PCSK5: variants seen among roughly 807,000 people sequenced by gnomAD.
The protein encoded by PCSK5 is prohormone convertase 5.
PCSK5 carries 129 observed loss-of-function variants against 233.2 expected under a neutral mutation model. The ratio of observed to expected loss-of-function variants is 0.55; its 90% CI spans 0.48 to 0.64. The LOEUF is 0.64. PCSK5 is among the 30% of genes least tolerant of loss of function. The probability of loss-of-function intolerance (pLI) is 0.00; values close to 1 mark genes in which losing one functional copy is unlikely to be tolerated. For missense variants in PCSK5, 2,076 were observed against 2,430.1 expected, an observed-to-expected ratio of 0.85 and a Z score of 3.06; for synonymous variants, 825 against 879.2, an observed-to-expected ratio of 0.94 and a Z score of 1.09.
intron 3 of PCSK5, among the ~76,000 whole-genome samples, chr9:76,005,356 C>T (rs929164022): frequency 6.6e-6 from 1 of 152,098 alleles, no homozygotes; most frequent in African/African-American, 2.4e-5. Context: ...AGCTCTCGCT[C>T]ATCTTTATAT....
chr9:76,267,902 G>T (rs1195910331), intron 24 of PCSK5, among the ~76,000 whole-genome samples: 1 of 151,790 alleles, frequency 6.6e-6, no homozygotes, highest in Non-Finnish European at 1.5e-5. Flanking sequence ...TTTTTATTCA[G>T]TAATGCACTG....
chr9:76,254,864 T>C (rs1587808655), intron 24 of PCSK5, among the ~76,000 whole-genome samples: 1 of 152,260 alleles, frequency 6.6e-6, no homozygotes, highest in Non-Finnish European at 1.5e-5. Flanking sequence ...GCAAATGCGA[T>C]AGGCCAGAAG....
rs115316746 is a variant in PCSK5, at chr9:76,346,168, G to C, written c.4967-4660G>C. On this transcript the variant is annotated intron_variant, in intron 35 of 37. Coordinates refer to ENST00000674117, the MANE Select transcript of PCSK5 (RefSeq NM_001372043.1). Reference sequence around the variant, plus strand: ...GATTATTTTTCCCACGTTTATTTTTGCCAACTTTGTCAAAAATCAGATGGT... The same window carrying C: ...GATTATTTTTCCCACGTTTATTTTTCCCAACTTTGTCAAAAATCAGATGGT... Among the ~76,000 whole-genome samples the C allele has an allele frequency of 4.7e-3, 710 of 151,954 alleles. 7 individuals carry two copies. The highest frequency in any genetic ancestry group is 0.016 in the African/African-American group (669 of 41,460).
At chr9:75,890,055 C>A (rs1165141447), upstream of PCSK5, among the ~76,000 whole-genome samples, 1 of 152,186 alleles carries the variant, frequency 6.6e-6, no homozygotes, top group African/African-American at 2.4e-5. Flanking sequence ...TTCCTCACTT[C>A]CAAGGCCGGA....
At chr9:75,898,002 C>T (rs1215844245) in intron 1 of PCSK5, among the ~76,000 whole-genome samples, 1 of 152,206 alleles carries the variant, frequency 6.6e-6, no homozygotes, top group African/African-American at 2.4e-5. Context: ...TTAGTTTAAA[C>T]AGATTCACAT....
intron 2 of PCSK5, among the ~76,000 whole-genome samples, chr9:75,978,988 T>C (rs1437972560): frequency 6.7e-5 from 10 of 149,698 alleles, no homozygotes; most frequent in Admixed American, 4.7e-4. Context: ...TTCCTCTACC[T>C]CAGCCTCCCA....
At chr9:76,165,055 T>C (rs1246162652) in intron 12 of PCSK5, among the ~76,000 whole-genome samples, 1 of 152,022 alleles carries the variant, frequency 6.6e-6, no homozygotes, top group Non-Finnish European at 1.5e-5. Flanking sequence ...AAAAAGCAAA[T>C]AGTATGTTTT....
At chr9:76,133,639 G>A (rs1342055930) in intron 9 of PCSK5, among the ~76,000 whole-genome samples, 2 of 151,992 alleles carry the variant, frequency 1.3e-5, no homozygotes, top group East Asian at 1.9e-4. Context: ...TATATGCATA[G>A]AAGGTTAAAC....
Position 76,328,023 on chromosome 9 carries a change from T to G in PCSK5, c.4354T>G (p.Cys1452Gly). 1 of 1,611,922 alleles carries G rather than the reference T, an allele frequency of 6.2e-7. No individual in the cohort carries two copies. Among genetic ancestry groups the G allele is most frequent in the Non-Finnish European group, 8.5e-7 (1 of 1,179,046 alleles). Residue 1452 changes from cysteine (C) to glycine (G), a missense_variant, in exon 33 of 38, where the codon TGC becomes GGC. This residue lies in a region of PCSK5 where 1,510 missense variants were observed against 1,538.1 expected (regional missense o/e 0.98). Coordinates refer to ENST00000674117, the MANE Select transcript of PCSK5 (RefSeq NM_001372043.1). ...CACGCCCACAGATTGCCACAAGTCC[T>G]GCTTGACCTGCTCATCATCTGGGAC... Reference protein sequence around the residue: ...TKECRDCHKSCLTCSSSGTCT... With the variant: ...TKECRDCHKSGLTCSSSGTCT...
Position 76,233,564 on chromosome 9 carries a change from G to A in PCSK5, c.2834G>A (p.Ser945Asn). 1 of 1,611,764 alleles carries A rather than the reference G, an allele frequency of 6.2e-7. No homozygotes were observed. Among genetic ancestry groups the A allele is most frequent in the Non-Finnish European group, 8.5e-7 (1 of 1,179,788 alleles). The change falls in exon 22 of 38, where the codon AGT (serine) becomes AAT (asparagine). Residue 945 changes from serine to asparagine, a missense_variant. By Grantham distance (46) the Ser-to-Asn change is conservative (BLOSUM62 1). Transcript: ENST00000674117. ...CHHTCQRCQGSGPTHCTSCGA... is the reference protein window; with the variant it reads ...CHHTCQRCQGNGPTHCTSCGA... Reference sequence around the variant, plus strand: ...CACACCTGCCAGAGATGCCAAGGAAGTGGCCCTACCCACTGCACCTCCTGT... The same window carrying A: ...CACACCTGCCAGAGATGCCAAGGAAATGGCCCTACCCACTGCACCTCCTGT...
intron 33 of PCSK5, among the ~76,000 whole-genome samples, chr9:76,328,480 G>A (rs963237298): frequency 6.6e-6 from 1 of 152,054 alleles, no homozygotes; most frequent in East Asian, 1.9e-4. Flanking sequence ...TCATTTGTTC[G>A]TGGGCTCTCT....
At chr9:75,978,753 C>T (rs972180539) in intron 2 of PCSK5, among the ~76,000 whole-genome samples, 3 of 151,978 alleles carry the variant, frequency 2.0e-5, no homozygotes, top group African/African-American at 4.8e-5. Flanking sequence ...GTTTCAGAGG[C>T]GTTAATACCC....
At chr9:76,292,120 T>C in intron 24 of PCSK5, 113 bp from the exon 25 acceptor site, 1 of 703,300 alleles carries the variant, frequency 1.4e-6, no homozygotes, top group Non-Finnish European at 2.6e-6. Flanking sequence ...GGACAGTACA[T>C]TTCATGAAAC....
chr9:76,107,900 A>G (rs1832044178), intron 9 of PCSK5, among the ~76,000 whole-genome samples: 1 of 152,226 alleles, frequency 6.6e-6, no homozygotes, highest in South Asian at 2.1e-4. Context: ...ATAGGTCCTC[A>G]TCTCTTTTTT....
At chr9:75,900,634 A>G (rs1207636133) in intron 1 of PCSK5, among the ~76,000 whole-genome samples, 15 of 147,704 alleles carry the variant, frequency 1.0e-4, no homozygotes, top group Non-Finnish European at 1.6e-4. Flanking sequence ...AGCCGAGATC[A>G]TGCCACTGCA....
chr9:76,203,378 G>A (rs1419510057), intron 20 of PCSK5, among the ~76,000 whole-genome samples: 2 of 152,004 alleles, frequency 1.3e-5, no homozygotes, highest in Non-Finnish European at 2.9e-5. Flanking sequence ...CTTTGCAGGA[G>A]AAATTAAAGG....
rs563343724 is a variant in PCSK5 at position 76,298,674 on chromosome 9, A to T, written c.3523+1809A>T. Among the ~76,000 whole-genome samples, 10 of 152,164 alleles carry T rather than the reference A, an allele frequency of 6.6e-5. No homozygotes were observed. In the East Asian group the frequency reaches 1.9e-3, roughly 29 times the overall value. Reference sequence around the variant, plus strand: ...TTAAAAAAAACAGGATCGAGAGTGTAATAGGAGAGGAGAGGCTTCCAGAGA... The same window carrying T: ...TTAAAAAAAACAGGATCGAGAGTGTTATAGGAGAGGAGAGGCTTCCAGAGA... On this transcript the variant is annotated intron_variant, in intron 27 of 37. Coordinates refer to ENST00000674117, the MANE Select transcript of PCSK5 (RefSeq NM_001372043.1).
chr9:76,234,260 A>T (rs749429710), intron 22 of PCSK5, among the ~76,000 whole-genome samples: 32 of 152,152 alleles, frequency 2.1e-4, no homozygotes, highest in Non-Finnish European at 4.1e-4. Flanking sequence ...GACATTGCAA[A>T]TAAAAACTTG....
At chr9:75,927,456 G>A (rs769456968) in intron 1 of PCSK5, among the ~76,000 whole-genome samples, 3 of 152,144 alleles carry the variant, frequency 2.0e-5, no homozygotes, top group Non-Finnish European at 4.4e-5. Flanking sequence ...GTGACCAACT[G>A]TCCCTATTTC....
Sources: allele counts gnomAD v4.1 joint callset (sites outside exome capture counted in the v4.1 genomes callset), GRCh38; gene constraint gnomAD v4.1.1; regional missense constraint gnomAD v4.1.1; transcripts MANE v1.5; gene names NCBI Gene and HGNC (gene_info 2026-07-23, HGNC 2026-07-21).